Variants in ITSN1 observed in about 807,000 individuals in gnomAD.
The protein encoded by ITSN1 is intersectin 1.
Under a neutral mutation model 239.8 loss-of-function variants are expected in ITSN1, and 58 were observed. That is an observed-to-expected ratio of 0.24 (90% CI 0.20 to 0.30). The LOEUF is 0.30. Ranked by LOEUF, ITSN1 falls within the 10% of genes least tolerant of loss-of-function variation. The probability of loss-of-function intolerance (pLI) is 1.00; values close to 1 mark genes in which losing one functional copy is unlikely to be tolerated. For synonymous variants in ITSN1, 780 were observed against 770.8 expected (o/e 1.01, Z -0.20); for missense variants, 1,558 against 2,103.3 (o/e 0.74, Z 5.07).
intron 14 of ITSN1, among the ~76,000 whole-genome samples, chr21:33,780,408 T>TA (rs1483282611): frequency 1.3e-5 from 2 of 152,236 alleles, no homozygotes; most frequent in Admixed American, 1.3e-4. Context: ...GATTAGCAGA[T>TA]ACTTGCTTTG....
Position 33,888,246 on chromosome 21 carries a change from C to A in ITSN1, c.5112C>A (p.Val1704=). Reference sequence around the variant, plus strand: ...CGAAGTGTCTTCTGCTGCACGAAGTCCCCACGGGAGAGATTGTGGTCCGCT... The same window carrying A: ...CGAAGTGTCTTCTGCTGCACGAAGTACCCACGGGAGAGATTGTGGTCCGCT... ...PVTKCLLLHE[V]PTGEIVVRLD... The change falls in exon 40 of 40, where the codon GTC becomes GTA. Residue 1704 remains valine (V), a synonymous_variant. Coordinates refer to ENST00000381318, the MANE Select transcript of ITSN1 (RefSeq NM_003024.3). The A allele has an allele frequency of 1.2e-6, 2 of 1,614,112 alleles. No homozygotes were observed. The highest frequency in any genetic ancestry group is 1.7e-6 in the Non-Finnish European group (2 of 1,179,994).
At chr21:33,761,239 C>A (rs1421577559) in intron 8 of ITSN1, among the ~76,000 whole-genome samples, 1 of 151,960 alleles carries the variant, frequency 6.6e-6, no homozygotes, top group Admixed American at 6.6e-5. Flanking sequence ...CCATTCCCAG[C>A]TAATTTTTTG....
chr21:33,688,450 AGAT>A (rs2146616158), intron 1 of ITSN1, among the ~76,000 whole-genome samples: 1 of 152,348 alleles, frequency 6.6e-6, no homozygotes, highest in African/African-American at 2.4e-5. Flanking sequence ...GTGATCACAG[AGAT>A]TACTCAGAAC....
intron 1 of ITSN1, among the ~76,000 whole-genome samples, chr21:33,678,530 C>T (rs2090734291): frequency 6.6e-6 from 1 of 152,134 alleles, no homozygotes; most frequent in African/African-American, 2.4e-5. Flanking sequence ...GGAACTGTTC[C>T]CACCCCACGG....
At chr21:33,837,872 C>T in intron 29 of ITSN1, 1 of 985,868 alleles carries the variant, frequency 1.0e-6, no homozygotes, top group Non-Finnish European at 1.2e-6. Context: ...AATCAGTAGA[C>T]AACACCACTG....
intron 1 of ITSN1, among the ~76,000 whole-genome samples, chr21:33,700,309 T>C (rs2091954234): frequency 6.6e-6 from 1 of 152,120 alleles, no homozygotes; most frequent in Non-Finnish European, 1.5e-5. Flanking sequence ...GGTCTCGAAC[T>C]CCTAACCTCA....
intron 20 of ITSN1, among the ~76,000 whole-genome samples, chr21:33,804,306 A>G (rs1020271806): frequency 6.6e-6 from 1 of 152,212 alleles, no homozygotes; most frequent in Non-Finnish European, 1.5e-5. Flanking sequence ...CCAAAACTAT[A>G]ATTTTTCATG....
intron 37 of ITSN1, 50 bp from the exon 38 acceptor site, chr21:33,885,389 A>C: frequency 6.7e-7 from 1 of 1,503,338 alleles, no homozygotes; most frequent in Non-Finnish European, 9.3e-7. Context: ...GAGATGGGAA[A>C]GGTGTGGCAC....
chr21:33,833,541 G>A (rs1452141231), intron 27 of ITSN1, among the ~76,000 whole-genome samples: 3 of 152,196 alleles, frequency 2.0e-5, no homozygotes, highest in African/African-American at 7.2e-5. Flanking sequence ...CTGGAATTGT[G>A]TGCATAAATG....
chr21:33,824,910 G>A (rs1446698706), intron 25 of ITSN1, among the ~76,000 whole-genome samples: 2 of 152,174 alleles, frequency 1.3e-5, no homozygotes, highest in African/African-American at 2.4e-5. Context: ...TTTGCCCTGC[G>A]AGACAGCTGG....
At chr21:33,809,534 G>A (rs1435210982) in intron 20 of ITSN1, among the ~76,000 whole-genome samples, 1 of 152,094 alleles carries the variant, frequency 6.6e-6, no homozygotes, top group Non-Finnish European at 1.5e-5. Context: ...TAGATGTTTG[G>A]TTTGTTTAAT....
At chr21:33,718,151 C>T (rs1396769082) in intron 1 of ITSN1, among the ~76,000 whole-genome samples, 1 of 152,134 alleles carries the variant, frequency 6.6e-6, no homozygotes, top group Middle Eastern at 3.2e-3. Context: ...ATAATGGTAA[C>T]CTATCTCACA....
rs114946551 is a variant in ITSN1, at chr21:33,837,432, T to C, written c.3661+800T>C. 1,972 of 986,952 alleles carry C rather than the reference T, an allele frequency of 2.0e-3. 32 individuals are homozygous for C. The African/African-American group carries it at 0.031, about 15-fold the overall frequency. The allele number at this position is 986,952 out of a possible 1,614,324, so 61.1% of individuals were successfully genotyped here. On this transcript the variant is annotated intron_variant, in intron 29 of 39. Coordinates refer to ENST00000381318, the MANE Select transcript of ITSN1 (RefSeq NM_003024.3). ...CTATCAAGGAATGCTGCATGTGCTA[T>C]TAAAAATTGTTCCAAATGTCCATAA...
intron 20 of ITSN1, among the ~76,000 whole-genome samples, chr21:33,806,571 G>A (rs1602348826): frequency 6.6e-6 from 1 of 152,224 alleles, no homozygotes; most frequent in African/African-American, 2.4e-5. Flanking sequence ...GTGTATATTT[G>A]ACTGTTGCAT....
intron 1 of ITSN1, among the ~76,000 whole-genome samples, chr21:33,684,260 ATTAATC>A (rs1457813993): frequency 6.6e-6 from 1 of 152,202 alleles, no homozygotes; most frequent in African/African-American, 2.4e-5. Flanking sequence ...CAGGTCAGAC[ATTAATC>A]TTAATTGTCA....
At chr21:33,862,765 C>T (rs559325819) in intron 31 of ITSN1, among the ~76,000 whole-genome samples, 12 of 152,312 alleles carry the variant, frequency 7.9e-5, no homozygotes, top group Admixed American at 2.6e-4. Flanking sequence ...AGCTCTGAGA[C>T]TTGGGTCAAG....
chr21:33,761,201 G>A (rs936041460), intron 8 of ITSN1, among the ~76,000 whole-genome samples: 1 of 151,908 alleles, frequency 6.6e-6, no homozygotes, highest in African/African-American at 2.4e-5. Context: ...TCAGCATCCC[G>A]AGTAACTGTG....
chr21:33,779,206 C>T (rs996429734), intron 14 of ITSN1, among the ~76,000 whole-genome samples: 5 of 150,960 alleles, frequency 3.3e-5, no homozygotes, highest in African/African-American at 9.7e-5. Flanking sequence ...TTGTTTCTTC[C>T]ATTTACTTAT....
chr21:33,852,154 A>C (rs1978441041), intron 29 of ITSN1, among the ~76,000 whole-genome samples: 1 of 152,162 alleles, frequency 6.6e-6, no homozygotes, highest in Non-Finnish European at 1.5e-5. Context: ...AGTTTCCCTG[A>C]GGACAAGGAC....
Sources: allele counts gnomAD v4.1 joint callset (sites outside exome capture counted in the v4.1 genomes callset), GRCh38; gene constraint gnomAD v4.1.1; transcripts MANE v1.5; gene names NCBI Gene and HGNC (gene_info 2026-07-23, HGNC 2026-07-21).